Variants in GPR176 observed in about 807,000 individuals in gnomAD.
GPR176 encodes the protein G protein-coupled receptor 176.
GPR176 carries 26 observed loss-of-function variants against 35.4 expected under a neutral mutation model. That is an observed-to-expected ratio of 0.74 (90% CI 0.54 to 1.02). The LOEUF is 1.02. Among genes scored for constraint, GPR176 ranks in the 50% least tolerant of loss-of-function variants. The pLI, the probability that GPR176 is intolerant of heterozygous loss-of-function variation, is 0.00. For synonymous variants in GPR176, 278 were observed against 271.3 expected, an observed-to-expected ratio of 1.02 and a Z score of -0.24; for missense variants, 597 against 665.3, an observed-to-expected ratio of 0.90 and a Z score of 1.13.
intron 1 of GPR176, among the ~76,000 whole-genome samples, chr15:39,844,269 C>G (rs1027067226): frequency 3.3e-5 from 5 of 152,118 alleles, no homozygotes; most frequent in African/African-American, 1.2e-4. Flanking sequence ...CTCAAACATG[C>G]TGATTCATAA....
intron 1 of GPR176, among the ~76,000 whole-genome samples, chr15:39,913,202 A>G (rs1797975307): frequency 6.6e-6 from 1 of 152,232 alleles, no homozygotes; most frequent in South Asian, 2.1e-4. Context: ...GCCAGTCACA[A>G]AAGACCACAT....
chr15:39,824,024 G>A (rs1226866191), intron 1 of GPR176, among the ~76,000 whole-genome samples: 1 of 152,220 alleles, frequency 6.6e-6, no homozygotes, highest in Non-Finnish European at 1.5e-5. Context: ...AGTCATGGGG[G>A]TGGATCCCTT....
In GPR176 at chr15:39,874,576, G is replaced by C. The variant is rs151222908; in HGVS notation, c.172+45279C>G. On this transcript the variant is annotated intron_variant, in intron 1 of 2. Coordinates refer to ENST00000561100, the MANE Select transcript of GPR176 (RefSeq NM_007223.3). ...GTTTGTCATTCAGAAACAATCTGGT[G>C]TCAAGTGATTCTTCTCTTGCATACT... Among the ~76,000 whole-genome samples the C allele has an allele frequency of 1.4e-3, 212 of 152,312 alleles. 1 individual carries two copies. Among genetic ancestry groups the C allele is most frequent in the African/African-American group, 4.9e-3 (202 of 41,560 alleles).
chr15:39,919,528 G>A (rs995611510), intron 1 of GPR176, among the ~76,000 whole-genome samples: 3 of 152,088 alleles, frequency 2.0e-5, no homozygotes, highest in African/African-American at 7.2e-5. Context: ...TTTATTCCTC[G>A]CTATTTGTAA....
intron 1 of GPR176, among the ~76,000 whole-genome samples, chr15:39,857,302 T>C (rs2031285877): frequency 6.6e-6 from 1 of 152,044 alleles, no homozygotes; most frequent in East Asian, 1.9e-4. Context: ...CTGCCCCAAA[T>C]ACAAACATAC....
At chr15:39,912,447 T>C (rs1308138679) in intron 1 of GPR176, among the ~76,000 whole-genome samples, 3 of 151,058 alleles carry the variant, frequency 2.0e-5, no homozygotes, top group African/African-American at 4.9e-5. Context: ...TGAAACCCCA[T>C]CTCTACCAAG....
intron 1 of GPR176, among the ~76,000 whole-genome samples, chr15:39,847,638 G>T (rs1361043510): frequency 2.7e-5 from 4 of 150,794 alleles, no homozygotes; most frequent in Non-Finnish European, 5.9e-5. Flanking sequence ...AGCTACTTGG[G>T]AGGCTGAGGC....
Position 39,851,077 on chromosome 15 carries a change from T to C in GPR176, c.173-43819A>G, listed in dbSNP as rs370242531. ...TGAAAATGACCTCTACGTTTCTTAC[T>C]TGAACAACTGTCAGACAGATAATGC... is the stretch of plus-strand genomic sequence containing the variant. On this transcript the variant is annotated intron_variant, in intron 1 of 2. Coordinates refer to ENST00000561100, the MANE Select transcript of GPR176 (RefSeq NM_007223.3). 3.9e-5 allele frequency among the ~76,000 whole-genome samples: 6 copies of C among 152,306 alleles called. 1 individual carries two copies. The highest frequency in any genetic ancestry group is 1.9e-4 in the East Asian group (1 of 5,186).
intron 1 of GPR176, among the ~76,000 whole-genome samples, chr15:39,913,098 C>T (rs1478723192): frequency 6.6e-6 from 1 of 152,024 alleles, no homozygotes; most frequent in African/African-American, 2.4e-5. Flanking sequence ...GTAATATATC[C>T]ATACAATGAA....
intron 1 of GPR176, among the ~76,000 whole-genome samples, chr15:39,897,886 T>G (rs1481245680): frequency 6.6e-6 from 1 of 152,208 alleles, no homozygotes; most frequent in East Asian, 1.9e-4. Context: ...CTGGCAGCTC[T>G]CCATCTCTAT....
At chr15:39,907,563 G>C (rs115430895) in intron 1 of GPR176, among the ~76,000 whole-genome samples, 1,720 of 152,212 alleles carry the variant, frequency 0.011, 44 homozygotes, top group African/African-American at 0.039. Context: ...CCCCATAATT[G>C]ACTGTAGCAA....
chr15:39,891,375 T>G (rs2032866354), intron 1 of GPR176, among the ~76,000 whole-genome samples: 1 of 152,216 alleles, frequency 6.6e-6, no homozygotes, highest in Admixed American at 6.5e-5. Context: ...TTTTTGTTGT[T>G]AAAGATGAGT....
intron 1 of GPR176, among the ~76,000 whole-genome samples, chr15:39,896,511 G>A (rs781775394): frequency 6.6e-6 from 1 of 152,158 alleles, no homozygotes; most frequent in African/African-American, 2.4e-5. Context: ...TGTTATTCAT[G>A]AGCATTTTAT....
intron 1 of GPR176, among the ~76,000 whole-genome samples, chr15:39,845,249 TG>T (rs1264518233): frequency 1.3e-5 from 2 of 152,074 alleles, no homozygotes; most frequent in Non-Finnish European, 2.9e-5. Flanking sequence ...TCAATTCACA[TG>T]AAGTCCTTGC....
chr15:39,851,581 G>A (rs1377772794), intron 1 of GPR176, among the ~76,000 whole-genome samples: 1 of 152,118 alleles, frequency 6.6e-6, no homozygotes, highest in African/African-American at 2.4e-5. Flanking sequence ...AGGGTCTGGC[G>A]CTTAAATGAA....
chr15:39,893,675 G>C (rs1413889982), intron 1 of GPR176, among the ~76,000 whole-genome samples: 4 of 151,600 alleles, frequency 2.6e-5, no homozygotes, highest in Non-Finnish European at 3.0e-5. Flanking sequence ...TCCCAGTAGG[G>C]GCGGCCGGGC....
At chr15:39,863,940 G>C (rs2031719071) in intron 1 of GPR176, among the ~76,000 whole-genome samples, 1 of 152,116 alleles carries the variant, frequency 6.6e-6, no homozygotes, top group African/African-American at 2.4e-5. Flanking sequence ...TTGAATATAA[G>C]GCTTGTATAT....
intron 1 of GPR176, among the ~76,000 whole-genome samples, chr15:39,809,538 A>T (rs1016903882): frequency 8.5e-5 from 13 of 152,196 alleles, no homozygotes; most frequent in African/African-American, 3.1e-4. Flanking sequence ...TTAAGTAACA[A>T]AATTTTCAAC....
chr15:39,846,112 A>C (rs1445401971), intron 1 of GPR176, among the ~76,000 whole-genome samples: 2 of 152,208 alleles, frequency 1.3e-5, no homozygotes, highest in Non-Finnish European at 2.9e-5. Flanking sequence ...GTGAAAATGG[A>C]GTAGATATAC....
Sources: allele counts gnomAD v4.1 joint callset (sites outside exome capture counted in the v4.1 genomes callset), GRCh38; gene constraint gnomAD v4.1.1; transcripts MANE v1.5; gene names NCBI Gene and HGNC (gene_info 2026-07-23, HGNC 2026-07-21).